Variants in SLC6A16 observed in about 807,000 individuals in gnomAD.
The protein encoded by SLC6A16 is orphan sodium- and chloride-dependent neurotransmitter transporter NTT5.
In SLC6A16, 54 loss-of-function variants were observed where a neutral mutation model predicts 65.4. The observed-to-expected ratio is 0.83, with a 90% CI of 0.66 to 1.04. The LOEUF (loss-of-function observed/expected upper bound fraction) is 1.04. Ranked by LOEUF, SLC6A16 falls within the 50% of genes least tolerant of loss-of-function variation. The pLI is 0.00. For missense variants in SLC6A16, 816 were observed against 914.0 expected (o/e 0.89, Z 1.38); for synonymous variants, 330 against 346.5 (o/e 0.95, Z 0.53).
chr19:49,319,664 C>T (rs1163175803), intron 1 of SLC6A16, among the ~76,000 whole-genome samples: 1 of 151,930 alleles, frequency 6.6e-6, no homozygotes, highest in Admixed American at 6.6e-5. Context: ...AAGCAGCAGA[C>T]AGAAGATAAG....
Position 49,323,874 on chromosome 19 carries a change from T to G in SLC6A16, c.-65+1174A>C, listed in dbSNP as rs577177751. Among the ~76,000 whole-genome samples, 12 of 152,190 alleles carry G rather than the reference T, an allele frequency of 7.9e-5. No individual in the cohort carries two copies. In the East Asian group the frequency reaches 2.3e-3, roughly 29 times the overall value. ...TCCACTTCTGGGTATACACCCAAAATAAGTGAAAACCAAGCCTCCAGTGGC... is the reference window on the plus strand; with the variant it reads ...TCCACTTCTGGGTATACACCCAAAAGAAGTGAAAACCAAGCCTCCAGTGGC... On this transcript the variant is annotated intron_variant, in intron 1 of 11. Coordinates refer to ENST00000335875, the MANE Select transcript of SLC6A16 (RefSeq NM_014037.3).
the SLC6A16 span, chr19:49,340,182 C>A: frequency 3.3e-6 from 5 of 1,520,066 alleles, no homozygotes; most frequent in Non-Finnish European, 4.5e-6. Context: ...CTTTCTCGCC[C>A]GGGTGGGCAT....
Position 49,308,890 on chromosome 19 carries a change from A to G in SLC6A16, c.1215T>C (p.His405=). Residue 405 remains histidine (H), a synonymous_variant, in exon 7 of 12, where the codon CAT becomes CAC. Coordinates refer to ENST00000335875, the MANE Select transcript of SLC6A16 (RefSeq NM_014037.3). ...GCCGGCCTTACCTCTCACAGCAGCG[A>G]TGTGTGATGACTGTCGCCCAGAAGC... ...VLGFWATVIT[H]RCCERNAEIL... 6.2e-7 allele frequency: 1 copy of G among 1,614,172 alleles called. No homozygotes were observed. The highest frequency in any genetic ancestry group is 2.2e-5 in the East Asian group (1 of 44,874).
chr19:49,310,876 C>A, intron 2 of SLC6A16, 57 bp downstream of exon 2: 1 of 1,279,076 alleles, frequency 7.8e-7, no homozygotes, highest in Non-Finnish European at 1.1e-6. Flanking sequence ...AAAGCCTGGA[C>A]AGGACTCTGT....
chr19:49,338,111 C>A, the SLC6A16 span: 1 of 1,545,982 alleles, frequency 6.5e-7, no homozygotes. This position sits in a 1 kb window ranked among gnomAD's most constrained non-coding sequence, Gnocchi z 5.0. Flanking sequence ...CAACGTGGGC[C>A]CGACCCCCAG....
At chr19:49,308,350 G>A (rs1242984074) in intron 7 of SLC6A16, among the ~76,000 whole-genome samples, 2 of 152,200 alleles carry the variant, frequency 1.3e-5, no homozygotes, top group Non-Finnish European at 2.9e-5. Flanking sequence ...CTACTCAGGA[G>A]GCTGAGGCAG....
rs779989558 is a variant in SLC6A16, at chr19:49,308,867, C to A, written c.1229+9G>T. ...GAGCTGAGACCCTTAACAAAGGGGCCGGCCTTACCTCTCACAGCAGCGATG... is the reference window on the plus strand; with the variant it reads ...GAGCTGAGACCCTTAACAAAGGGGCAGGCCTTACCTCTCACAGCAGCGATG... On this transcript the variant is annotated intron_variant, in intron 7 of 11. Transcript: ENST00000335875. 6.2e-7 allele frequency: 1 copy of A among 1,613,756 alleles called. No homozygotes were observed. Among genetic ancestry groups the A allele is most frequent in the African/African-American group, 1.3e-5 (1 of 74,846 alleles).
the SLC6A16 span, chr19:49,337,619 T>C: frequency 2.0e-6 from 3 of 1,468,112 alleles, no homozygotes; most frequent in Non-Finnish European, 2.7e-6. Context: ...AAAAAATAAA[T>C]TAATAGAAAG....
At chr19:49,326,027 G>A (rs370815632), upstream of SLC6A16, among the ~76,000 whole-genome samples, 7 of 151,568 alleles carry the variant, frequency 4.6e-5, no homozygotes, top group South Asian at 2.1e-4. Context: ...AAAATTAGCC[G>A]GGCGTGGTGG....
chr19:49,290,452 TG>T, intron 11 of SLC6A16, 60 bp from the exon 12 acceptor site: 1 of 1,584,714 alleles, frequency 6.3e-7, no homozygotes, highest in South Asian at 1.1e-5. Context: ...AAGGAAGAGT[TG>T]TGGAGGGGAA....
chr19:49,305,772 T>C (rs1024395562), intron 7 of SLC6A16: 8 of 152,048 alleles, frequency 5.3e-5, no homozygotes, highest in African/African-American at 1.9e-4. Context: ...TTTAATCCAT[T>C]TACTTCCAGA....
Position 49,309,845 on chromosome 19 carries a change from A to C in SLC6A16, c.701-19T>G, listed in dbSNP as rs1970476635. On this transcript the variant is annotated intron_variant, in intron 4 of 11. Transcript: ENST00000335875. Reference sequence around the variant, plus strand: ...TCAGGATCTGGGGGGACCTGGCTTTAGACATGCCTGCTAGACAAGGTACCC... The same window carrying C: ...TCAGGATCTGGGGGGACCTGGCTTTCGACATGCCTGCTAGACAAGGTACCC... 1 of 1,603,594 alleles carries C rather than the reference A, an allele frequency of 6.2e-7. No individual in the cohort carries two copies. The highest frequency in any genetic ancestry group is 1.3e-5 in the African/African-American group (1 of 74,692).
At position 49,292,228 on chromosome 19, in the gene SLC6A16, G is replaced by A. The variant is rs916730343; in HGVS notation, c.1778+995C>T. Among the ~76,000 whole-genome samples, 6 of 152,106 alleles carry A rather than the reference G, an allele frequency of 3.9e-5. No homozygotes were observed. Among genetic ancestry groups the A allele is most frequent in the African/African-American group, 1.4e-4 (6 of 41,426 alleles). ...CTAAGAATACAAAAATTAGCCGGGC[G>A]TGGTGGTGAATGCCTGTAATCCCAG... is the stretch of plus-strand genomic sequence containing the variant. On this transcript the variant is annotated intron_variant, in intron 10 of 11. Transcript: ENST00000335875. This position sits in a 1 kb window ranked among gnomAD's most constrained non-coding sequence, Gnocchi z 4.3.
chr19:49,340,088 C>A, the SLC6A16 span: 12 of 1,529,158 alleles, frequency 7.8e-6, no homozygotes, highest in Non-Finnish European at 9.6e-6. Flanking sequence ...GCCAGCCCTG[C>A]GGCAGTTCCC....
chr19:49,335,778 C>A, the SLC6A16 span: 1 of 1,613,232 alleles, frequency 6.2e-7, no homozygotes, highest in Non-Finnish European at 8.5e-7. The surrounding 1 kb of genome is among the most constrained non-coding windows in gnomAD (Gnocchi z 4.6). Flanking sequence ...AGCTTCGTGT[C>A]CTTTGTGGGT....
chr19:49,329,354 TG>T (rs1006511476), upstream of SLC6A16, among the ~76,000 whole-genome samples: 1 of 152,190 alleles, frequency 6.6e-6, no homozygotes, highest in Non-Finnish European at 1.5e-5. Flanking sequence ...CCCAAAGTGC[TG>T]GGATTACAGT....
intron 1 of SLC6A16, among the ~76,000 whole-genome samples, chr19:49,314,137 G>GA (rs1381065524): frequency 7.7e-6 from 1 of 129,912 alleles, no homozygotes; most frequent in African/African-American, 2.9e-5. Flanking sequence ...TCATAATCAA[G>GA]AAAAAATATG....
the SLC6A16 span, chr19:49,337,349 G>T: frequency 1.1e-6 from 1 of 938,000 alleles, no homozygotes; most frequent in Middle Eastern, 2.6e-4. Context: ...GAAATAAGAG[G>T]CTGGGCCTGG....
Position 49,294,104 on chromosome 19 carries a change from C to T in SLC6A16, c.1417-76G>A. ...AAAAAAATATAGACAAGTATACATT[C>T]TATCTTCCCTGGAAAACTCCTGAAA... On this transcript the variant is annotated intron_variant, in intron 8 of 11. Coordinates refer to ENST00000335875, the MANE Select transcript of SLC6A16 (RefSeq NM_014037.3). 2.4e-6 allele frequency: 3 copies of T among 1,276,138 alleles called. No homozygotes were observed. In the South Asian group the frequency reaches 3.9e-5, roughly 17 times the overall value. 79.1% of individuals were successfully genotyped at this position (1,276,138 alleles called of 1,614,324 possible).
Sources: gnomAD v4.1 joint callset for allele counts (sites outside exome capture counted in the v4.1 genomes callset) on GRCh38, gnomAD v4.1.1 for gene constraint, Gnocchi (gnomAD v3.1) non-coding constraint, MANE v1.5 for transcripts, NCBI Gene and HGNC (gene_info 2026-07-23, HGNC 2026-07-21) for gene names.